SRGAP1: variants seen among roughly 807,000 people sequenced by gnomAD.
SRGAP1 encodes the protein SLIT-ROBO Rho GTPase-activating protein 1.
A neutral mutation model predicts 121.9 loss-of-function variants in SRGAP1; 43 were observed. The observed-to-expected ratio is 0.35, with a 90% CI of 0.28 to 0.46. The LOEUF (loss-of-function observed/expected upper bound fraction) is 0.46, where lower values mean the gene tolerates loss of function less well. SRGAP1 is among the 20% of genes least tolerant of loss of function. The probability of loss-of-function intolerance (pLI) is 1.00; values close to 1 mark genes in which losing one functional copy is unlikely to be tolerated. For missense variants in SRGAP1, 1,102 were observed against 1,350.9 expected (o/e 0.82, Z 2.89); for synonymous variants, 447 against 485.4 (o/e 0.92, Z 1.04).
At chr12:64,006,307 G>A (rs535404183) in intron 3 of SRGAP1, among the ~76,000 whole-genome samples, 24 of 152,160 alleles carry the variant, frequency 1.6e-4, no homozygotes, top group Non-Finnish European at 3.1e-4. Flanking sequence ...AAGACTCCTG[G>A]TGGCCCCTTA....
In SRGAP1 at chr12:64,109,876, C is replaced by T. The variant is rs193184009; in HGVS notation, c.1919+839C>T. 5.9e-5 allele frequency among the ~76,000 whole-genome samples: 9 copies of T among 152,192 alleles called. No individual in the cohort carries two copies. The East Asian group carries it at 1.4e-3, about 23-fold the overall frequency. On this transcript the variant is annotated intron_variant, in intron 16 of 21. Coordinates refer to ENST00000355086, the MANE Select transcript of SRGAP1 (RefSeq NM_020762.4). ...AAGCCACGGTGATTTATTACAATCC[C>T]GCTGACTAGTCCTGAAATCATACCC...
At chr12:64,110,056 C>T (rs756306211) in intron 16 of SRGAP1, among the ~76,000 whole-genome samples, 4 of 152,160 alleles carry the variant, frequency 2.6e-5, no homozygotes, top group African/African-American at 4.8e-5. Flanking sequence ...TGGAAAAAAG[C>T]AGTATCTAGA....
At chr12:64,132,773 G>T (rs992863235) in intron 21 of SRGAP1, among the ~76,000 whole-genome samples, 11 of 152,200 alleles carry the variant, frequency 7.2e-5, no homozygotes, top group African/African-American at 2.7e-4. Flanking sequence ...ATATCTTGCG[G>T]AAGCAAAAAG....
intron 1 of SRGAP1, among the ~76,000 whole-genome samples, chr12:63,945,670 A>G (rs2032021867): frequency 6.6e-6 from 1 of 152,132 alleles, no homozygotes; most frequent in Admixed American, 6.5e-5. Flanking sequence ...ACTTATTTTG[A>G]TGGGTTTGGT....
rs188307408 is a variant in SRGAP1 at position 63,914,006 on chromosome 12, G to C, written c.67+69123G>C. Among the ~76,000 whole-genome samples, 12 of 152,136 alleles carry C rather than the reference G, an allele frequency of 7.9e-5. No individual in the cohort carries two copies. In the East Asian group the frequency reaches 2.1e-3, roughly 27 times the overall value. On this transcript the variant is annotated intron_variant, in intron 1 of 21. Transcript: ENST00000355086. ...TCTTATCTGTCCTCTGTGCTAGGCTGTAAGTACCTAAGGGCAAAGTCCCTC... is the reference window on the plus strand; with the variant it reads ...TCTTATCTGTCCTCTGTGCTAGGCTCTAAGTACCTAAGGGCAAAGTCCCTC...
rs2037187709 is a variant in SRGAP1 at position 64,158,876 on chromosome 12, G to C, written c.*16204G>C. 6.6e-6 allele frequency: 1 copy of C among 152,160 alleles called. No individual in the cohort carries two copies. The highest frequency in any genetic ancestry group is 1.5e-5 in the Non-Finnish European group (1 of 68,030). 9.4% of individuals were successfully genotyped at this position (152,160 alleles called of 1,614,324 possible). Reference sequence around the variant, plus strand: ...TGCCTTGACAACTTACGGAGCATTTGGAACATGTCAAACAGTAATCAGAGG... The same window carrying C: ...TGCCTTGACAACTTACGGAGCATTTCGAACATGTCAAACAGTAATCAGAGG... On this transcript the variant is annotated 3_prime_UTR_variant, in exon 22 of 22. Transcript: ENST00000355086.
Position 64,126,076 on chromosome 12 carries a change from G to T in SRGAP1, c.2324G>T (p.Arg775Leu). ...GGTGCCTCCCTGCTGCTGTATCACC[G>T]TGCATCTGAGGACTGGTGGGAAGGC... ...KKGASLLLYHRASEDWWEGRH... is the reference protein window; with the variant it reads ...KKGASLLLYHLASEDWWEGRH... The change falls in exon 19 of 22, where the codon CGT (arginine) becomes CTT (leucine). Residue 775 changes from arginine (R) to leucine (L), a missense_variant. Physicochemically the swap from Arg to Leu is moderately radical, Grantham distance 102. Around this residue, in one of 3 missense-constraint regions of SRGAP1, gnomAD observed 40 missense variants for 78.4 expected, o/e 0.51. Coordinates refer to ENST00000355086, the MANE Select transcript of SRGAP1 (RefSeq NM_020762.4). 1 of 1,614,158 alleles carries T rather than the reference G, an allele frequency of 6.2e-7. No individual in the cohort carries two copies. The highest frequency in any genetic ancestry group is 1.1e-5 in the South Asian group (1 of 91,076).
At chr12:63,874,723 A>G (rs1163259056) in intron 1 of SRGAP1, among the ~76,000 whole-genome samples, 1 of 152,156 alleles carries the variant, frequency 6.6e-6, no homozygotes. Flanking sequence ...GATTAAATGA[A>G]TGAGTATATA....
chr12:63,887,970 A>G (rs1009486347), intron 1 of SRGAP1: 3 of 152,210 alleles, frequency 2.0e-5, no homozygotes, highest in African/African-American at 7.2e-5. Context: ...AAGATTTTGA[A>G]CTGTACTTTC....
intron 3 of SRGAP1, among the ~76,000 whole-genome samples, chr12:64,007,434 G>A (rs927023206): frequency 5.3e-5 from 8 of 152,232 alleles, no homozygotes; most frequent in South Asian, 2.1e-4. Context: ...GATCGGACAG[G>A]GGGCAGAGCT....
At chr12:63,868,052 A>T (rs867597295) in intron 1 of SRGAP1, among the ~76,000 whole-genome samples, 17 of 30,584 alleles carry the variant, frequency 5.6e-4, no homozygotes, top group Non-Finnish European at 7.9e-4. Context: ...ATATATATAT[A>T]TATATTTTTT....
intron 1 of SRGAP1, among the ~76,000 whole-genome samples, chr12:63,932,234 T>C (rs568770892): frequency 3.4e-4 from 51 of 152,222 alleles, no homozygotes; most frequent in African/African-American, 1.2e-3. Flanking sequence ...TGAGCCGAGA[T>C]TGCACCACTG....
chr12:63,880,185 C>T (rs1783854378), intron 1 of SRGAP1, among the ~76,000 whole-genome samples: 1 of 152,104 alleles, frequency 6.6e-6, no homozygotes, highest in African/African-American at 2.4e-5. Context: ...CGCCTACCGC[C>T]ATGATTGTGA....
Position 64,138,446 on chromosome 12 carries a change from C to CTTTTT in SRGAP1, c.2881-3830_2881-3826dup, listed in dbSNP as rs60769104. 4.5e-3 allele frequency among the ~76,000 whole-genome samples: 351 copies of CTTTTT among 78,684 alleles called. 18 individuals carry two copies. The highest frequency in any genetic ancestry group is 0.018 in the African/African-American group (331 of 18,012). The allele number at this position is 78,684 out of a possible 152,430, so 51.6% of individuals were successfully genotyped here. A position where few individuals can be genotyped will look rare whatever the true frequency, so the allele number is the denominator to read the frequency against. On this transcript the variant is annotated intron_variant, in intron 21 of 21. Coordinates refer to ENST00000355086, the MANE Select transcript of SRGAP1 (RefSeq NM_020762.4). ...CCTTTTACTATCTGAAATAAATTGACTTTTTTTTTTTTTTTTTTTTTTTGG... is the reference window on the plus strand; with the variant it reads ...CCTTTTACTATCTGAAATAAATTGACTTTTTTTTTTTTTTTTTTTTTTTTTTTTGG...
rs76971060 is a variant in SRGAP1 at position 64,138,078 on chromosome 12, G to A, written c.2881-4217G>A. On this transcript the variant is annotated intron_variant, in intron 21 of 21. Coordinates refer to ENST00000355086, the MANE Select transcript of SRGAP1 (RefSeq NM_020762.4). ...TGAAACATCTCTCCAGACTGTGTTC[G>A]TCTCACAAAACCAAAACTCTGTACA... Among the ~76,000 whole-genome samples, 221 of 151,420 alleles carry A rather than the reference G, an allele frequency of 1.5e-3. 1 individual carries two copies. The highest frequency in any genetic ancestry group is 5.2e-3 in the African/African-American group (213 of 41,296).
chr12:63,908,787 G>A (rs991763660), intron 1 of SRGAP1, among the ~76,000 whole-genome samples: 3 of 151,942 alleles, frequency 2.0e-5, no homozygotes, highest in Non-Finnish European at 2.9e-5. Flanking sequence ...TTTCTAAATT[G>A]TTCATTGTTA....
Position 64,148,436 on chromosome 12 carries a change from C to G in SRGAP1, c.*5764C>G, listed in dbSNP as rs1441923855. ...AGCTGTAATTACAGGCACCCGCCAC[C>G]ACACCCAGCTACTTTTCGTATTTTT... On this transcript the variant is annotated 3_prime_UTR_variant, in exon 22 of 22. Transcript: ENST00000355086. 1 of 151,876 alleles carries G rather than the reference C, an allele frequency of 6.6e-6. No individual in the cohort carries two copies. Among genetic ancestry groups the G allele is most frequent in the African/African-American group, 2.4e-5 (1 of 41,308 alleles). 9.4% of individuals were successfully genotyped at this position (151,876 alleles called of 1,614,324 possible).
chr12:63,903,987 A>G (rs1278210301), intron 1 of SRGAP1, among the ~76,000 whole-genome samples: 1 of 152,106 alleles, frequency 6.6e-6, no homozygotes, highest in Non-Finnish European at 1.5e-5. Flanking sequence ...TATATACTAT[A>G]TATATGTAGG....
At chr12:63,883,949 T>C (rs1191957578) in intron 1 of SRGAP1, among the ~76,000 whole-genome samples, 3 of 147,936 alleles carry the variant, frequency 2.0e-5, no homozygotes, top group African/African-American at 4.9e-5. Flanking sequence ...TGAGCCACCG[T>C]GCCCGGCCAA....
Sources: allele counts gnomAD v4.1 joint callset (sites outside exome capture counted in the v4.1 genomes callset), GRCh38; gene constraint gnomAD v4.1.1; regional missense constraint gnomAD v4.1.1; transcripts MANE v1.5; gene names NCBI Gene and HGNC (gene_info 2026-07-23, HGNC 2026-07-21).